Variants in TTC9B observed in about 807,000 individuals in gnomAD.
TTC9B encodes the protein tetratricopeptide repeat protein 9B.
In TTC9B, 12 loss-of-function variants were observed where a neutral mutation model predicts 19.4. That is an observed-to-expected ratio of 0.62 (90% confidence interval 0.40 to 1.00). TTC9B has a LOEUF of 1.00. Ranked by LOEUF, TTC9B falls within the 50% of genes least tolerant of loss-of-function variation. TTC9B has a pLI of 0.00. For synonymous variants in TTC9B, 156 were observed against 158.6 expected (o/e 0.98, Z 0.12); for missense variants, 316 against 345.2 (o/e 0.92, Z 0.67).
In TTC9B at chr19:40,216,147, T is replaced by G; in HGVS notation, c.*16A>C. On this transcript the variant is annotated 3_prime_UTR_variant, in exon 3 of 3. Transcript: ENST00000311308. ...GGTGGGAGGGCGAGGGATAGAGAGGTCCCCCTGGATTGGCCTCAGCCAATT... is the reference window on the plus strand; with the variant it reads ...GGTGGGAGGGCGAGGGATAGAGAGGGCCCCCTGGATTGGCCTCAGCCAATT... 1 of 1,604,490 alleles carries G rather than the reference T, an allele frequency of 6.2e-7. No individual in the cohort carries two copies. The highest frequency in any genetic ancestry group is 1.1e-5 in the South Asian group (1 of 90,896).
chr19:40,217,079 G>C, intron 2 of TTC9B, 108 bp downstream of exon 2: 1 of 1,271,660 alleles, frequency 7.9e-7, no homozygotes. Flanking sequence ...AGCTCCGCGG[G>C]AGGAGGGCTC....
At chr19:40,216,727 C>A (rs1973372602) in intron 2 of TTC9B, 2 of 296,182 alleles carry the variant, frequency 6.8e-6, no homozygotes, top group Non-Finnish European at 1.3e-5. Flanking sequence ...CGCACACACA[C>A]ACACACCCCA....
At position 40,217,204 on chromosome 19, in the gene TTC9B, C is replaced by T. The variant is rs767259864; in HGVS notation, c.593G>A (p.Arg198His). The change falls in exon 2 of 3, where the codon CGC becomes CAC. Residue 198 changes from arginine to histidine, a missense_variant. Physicochemically the swap from Arg to His is conservative, Grantham distance 29 (BLOSUM62 0). Coordinates refer to ENST00000311308, the MANE Select transcript of TTC9B (RefSeq NM_152479.6). ...CCACTCACCTGTGGGTTCCCGGCTG[C>T]GGGCCTCCTGCAGGTAGCGCAGCGC... ...ARALRYLQEA[R>H]SREPTDTNVL... 3.1e-6 allele frequency: 5 copies of T among 1,612,790 alleles called. No homozygotes were observed. Among genetic ancestry groups the T allele is most frequent in the South Asian group, 1.1e-5 (1 of 90,912 alleles).
At position 40,218,060 on chromosome 19, in the gene TTC9B, C is replaced by T. The variant is rs778229221; in HGVS notation, c.322G>A (p.Ala108Thr). 14 of 1,518,742 alleles carry T rather than the reference C, an allele frequency of 9.2e-6. No individual in the cohort carries two copies. The highest frequency in any genetic ancestry group is 4.3e-5 in the African/African-American group (3 of 69,344). The allele number at this position is 1,518,742 out of a possible 1,614,324, so 94.1% of individuals were successfully genotyped here. The change falls in exon 1 of 3, where the codon GCC (alanine) becomes ACC (threonine). Residue 108 changes from alanine (A) to threonine (T), a missense_variant. By Grantham distance (58) the Ala-to-Thr change is moderately conservative. Transcript: ENST00000311308. The surrounding 1 kb of genome is among the most constrained non-coding windows in gnomAD (Gnocchi z 4.2). The stretch of plus-strand genomic sequence containing the variant: ...CTGCTGGTGGGCCCGGGGGCGGGGG[C>T]GGGCAGGCCGCTAGGGCGGGCCCCC... The part of the protein sequence containing the change: ...AQGARPSGLP[A>T]PAPGPTSSPG...
At chr19:40,217,866 A>G in intron 1 of TTC9B, 89 bp downstream of exon 1, 1 of 1,234,386 alleles carries the variant, frequency 8.1e-7, no homozygotes, top group Non-Finnish European at 1.1e-6. Flanking sequence ...TGGACCCTTC[A>G]GCCCCAGGGC....
In TTC9B at chr19:40,216,224, C is replaced by G. The variant is rs367761327; in HGVS notation, c.659G>C (p.Arg220Pro). The change falls in exon 3 of 3, where the codon CGT becomes CCT. Residue 220 changes from arginine to proline, a missense_variant. Transcript: ENST00000311308. The stretch of plus-strand genomic sequence containing the variant: ...ACTGTCTTCCCGCTGGAGGCTGCAA[C>G]GATTCATCTTCAGCTGAGTCAGCTG... ...YIQLTQLKMN[R>P]CSLQREDSGA... The G allele has an allele frequency of 1.8e-5, 29 of 1,614,084 alleles. No individual in the cohort carries two copies. Among genetic ancestry groups the G allele is most frequent in the Non-Finnish European group, 2.2e-5 (26 of 1,180,032 alleles).
intron 2 of TTC9B, chr19:40,216,858 A>C: frequency 2.1e-6 from 1 of 467,344 alleles, no homozygotes; most frequent in Non-Finnish European, 3.9e-6. Context: ...GGGACGGGGT[A>C]ATGGAGATGA....
At chr19:40,217,501 A>G (rs1465949295) in intron 1 of TTC9B, 132 bp from the exon 2 acceptor site, 9 of 1,177,940 alleles carry the variant, frequency 7.6e-6, no homozygotes, top group African/African-American at 6.2e-5. Flanking sequence ...AGGGGCGCCA[A>G]TCCGCTCGCC....
Position 40,217,942 on chromosome 19 carries a change from C to T in TTC9B, c.427+13G>A, listed in dbSNP as rs1406018373. The stretch of plus-strand genomic sequence containing the variant: ...CCCCTCGTGCCCCATCCCCCCACCC[C>T]CCGACGGCGTACCCGTGAGGGAGTC... On this transcript the variant is annotated intron_variant, in intron 1 of 2. Transcript: ENST00000311308. 2 of 1,479,946 alleles carry T rather than the reference C, an allele frequency of 1.4e-6. No individual in the cohort carries two copies. The highest frequency in any genetic ancestry group is 4.7e-5 in the Admixed American group (2 of 42,482). 91.7% of individuals were successfully genotyped at this position (1,479,946 alleles called of 1,614,324 possible).
In TTC9B at chr19:40,217,986, G is replaced by C; in HGVS notation, c.396C>G (p.Ser132Arg). 6.7e-7 allele frequency: 1 copy of C among 1,492,572 alleles called. No homozygotes were observed. The highest frequency in any genetic ancestry group is 8.9e-7 in the Non-Finnish European group (1 of 1,128,462). The allele number at this position is 1,492,572 out of a possible 1,614,324, so 92.5% of individuals were successfully genotyped here. Residue 132 changes from serine (S) to arginine (R), a missense_variant, in exon 1 of 3, where the codon AGC (serine) becomes AGG (arginine). Physicochemically the swap from Ser to Arg is moderately radical, Grantham distance 110. Coordinates refer to ENST00000311308, the MANE Select transcript of TTC9B (RefSeq NM_152479.6). ...LSEEQRRLVE[S>R]TEVECYDSLT... Reference sequence around the variant, plus strand: ...GGGAGTCGTAACACTCCACCTCCGTGCTCTCCACCAGGCGCCGCTGCTCCT... The same window carrying C: ...GGGAGTCGTAACACTCCACCTCCGTCCTCTCCACCAGGCGCCGCTGCTCCT...
intron 1 of TTC9B, chr19:40,217,745 A>C: frequency 1.8e-6 from 1 of 542,954 alleles, no homozygotes; most frequent in South Asian, 3.0e-5. Flanking sequence ...ACCCGACCCA[A>C]AGACCATTTC....
At chr19:40,217,143 C>T in intron 2 of TTC9B, 44 bp downstream of exon 2, 2 of 1,571,242 alleles carry the variant, frequency 1.3e-6, no homozygotes, top group Non-Finnish European at 8.6e-7. Context: ...CCCCTTTCCC[C>T]GCCCTGGGCC....
chr19:40,216,474 G>A (rs1973369471), intron 2 of TTC9B: 1 of 561,550 alleles, frequency 1.8e-6, no homozygotes, highest in Admixed American at 3.3e-5. Context: ...CTGTGCGCCT[G>A]TATTTGCGGC....
At position 40,217,278 on chromosome 19, in the gene TTC9B, G is replaced by C. The variant is rs1306429171; in HGVS notation, c.519C>G (p.Ala173=). 1.9e-6 allele frequency: 3 copies of C among 1,613,936 alleles called. No homozygotes were observed. Among genetic ancestry groups the C allele is most frequent in the Non-Finnish European group, 2.5e-6 (3 of 1,179,938 alleles). The stretch of plus-strand genomic sequence containing the variant: ...AGAAGGCAATGCCGGCACGGTAGGT[G>C]GCCTTGAAGTTGCCCTGCTGCTTCT... The part of the protein sequence containing the change: ...VLEKQQGNFK[A]TYRAGIAFYH... The change falls in exon 2 of 3, where the codon GCC becomes GCG. Residue 173 remains alanine, a synonymous_variant. Coordinates refer to ENST00000311308, the MANE Select transcript of TTC9B (RefSeq NM_152479.6).
rs761115460 is a variant in TTC9B, at chr19:40,216,187, G to A, written c.696C>T (p.Ser232=). Residue 232 remains serine (S), a synonymous_variant, in exon 3 of 3, where the codon TCC becomes TCT. Transcript: ENST00000311308. ...SLQREDSGAG[S]QTRDVIG is the part of the protein sequence containing the mutation. ...CTCAGCCAATTACATCCCGAGTCTG[G>A]GACCCAGCCCCACTGTCTTCCCGCT... 7.4e-6 allele frequency: 12 copies of A among 1,614,092 alleles called. No homozygotes were observed. Among genetic ancestry groups the A allele is most frequent in the Non-Finnish European group, 1.0e-5 (12 of 1,180,040 alleles).
In TTC9B at chr19:40,218,115, G is replaced by A. The variant is rs772986242; in HGVS notation, c.267C>T (p.His89=). Residue 89 remains histidine (H), a synonymous_variant, in exon 1 of 3, where the codon CAC becomes CAT. Transcript: ENST00000311308. This position sits in a 1 kb window ranked among gnomAD's most constrained non-coding sequence, Gnocchi z 4.2. ...KKFREAIGKY[H]RALLQLKAAQ... ...CCGCCTTCAGCTGCAGCAGCGCTCG[G>A]TGGTACTTGCCGATGGCCTCCCGGA... is the stretch of plus-strand genomic sequence containing the variant. 3.8e-6 allele frequency: 6 copies of A among 1,570,090 alleles called. No homozygotes were observed. The highest frequency in any genetic ancestry group is 2.8e-5 in the African/African-American group (2 of 70,530).
intron 1 of TTC9B, 148 bp downstream of exon 1, chr19:40,217,807 T>C (rs998618094): frequency 1.2e-5 from 8 of 690,710 alleles, no homozygotes; most frequent in Admixed American, 1.1e-4. Flanking sequence ...CTACCCCTAA[T>C]CCCTTTCCTT....
At chr19:40,216,675 T>C (rs966136623) in intron 2 of TTC9B, 3 of 300,774 alleles carry the variant, frequency 1.0e-5, no homozygotes, top group Admixed American at 4.8e-5. Context: ...CTGAGTGTTG[T>C]GTCTGCCCTC....
chr19:40,216,982 GT>G, intron 2 of TTC9B: 1 of 607,976 alleles, frequency 1.6e-6, no homozygotes, highest in Non-Finnish European at 2.9e-6. Flanking sequence ...GTGGACGGAT[GT>G]TTGAATGGCG....
Sources: gnomAD v4.1 joint callset for allele counts on GRCh38, gnomAD v4.1.1 for gene constraint, Gnocchi (gnomAD v3.1) non-coding constraint, MANE v1.5 for transcripts, NCBI Gene and HGNC (gene_info 2026-07-23, HGNC 2026-07-21) for gene names.